MAN1C1: variants seen among roughly 807,000 people sequenced by gnomAD.
The protein encoded by MAN1C1 is mannosyl-oligosaccharide 1,2-alpha-mannosidase IC.
A neutral mutation model predicts 71.5 loss-of-function variants in MAN1C1; 49 were observed. The ratio of observed to expected loss-of-function variants is 0.69; its 90% confidence interval spans 0.54 to 0.87. The LOEUF is 0.87. MAN1C1 is among the 40% of genes least tolerant of loss of function. The probability of loss-of-function intolerance (pLI) is 0.00; values close to 1 mark genes in which losing one functional copy is unlikely to be tolerated. For synonymous variants in MAN1C1, 352 were observed against 343.7 expected (o/e 1.02, Z -0.27); for missense variants, 743 against 835.0 (o/e 0.89, Z 1.36).
chr1:25,632,114 T>C (rs987968484), intron 1 of MAN1C1, among the ~76,000 whole-genome samples: 1 of 152,196 alleles, frequency 6.6e-6, no homozygotes, highest in African/African-American at 2.4e-5. Flanking sequence ...AATTCAGCTG[T>C]GAATCCATCA....
In MAN1C1 at chr1:25,775,640, G is replaced by A. The variant is rs113861198; in HGVS notation, c.1258-2465G>A. Among the ~76,000 whole-genome samples, 1,148 of 152,310 alleles carry A rather than the reference G, an allele frequency of 7.5e-3. 19 individuals carry two copies. In the Middle Eastern group the frequency reaches 0.078, roughly 10 times the overall value. On this transcript the variant is annotated intron_variant, in intron 8 of 11. Transcript: ENST00000374332. The surrounding 1 kb of genome is among the most constrained non-coding windows in gnomAD (Gnocchi z 5.1). ...CAGGGGCCCATAGGTAATGGCAGTG[G>A]CAGTGCTGGTTTAAATTGGGGCATT...
rs2046963806 is a variant in MAN1C1, at chr1:25,735,169, G to A, written c.638-11499G>A. On this transcript the variant is annotated intron_variant, in intron 2 of 11. Transcript: ENST00000374332. This position sits in a 1 kb window ranked among gnomAD's most constrained non-coding sequence, Gnocchi z 4.6. ...GGCTCACGCCTGTTATCCCAGGCCT[G>A]TCTCGTGGGAGACCGAGACAGGTGG... 6.6e-6 allele frequency among the ~76,000 whole-genome samples: 1 copy of A among 152,248 alleles called. No individual in the cohort carries two copies. The highest frequency in any genetic ancestry group is 2.4e-5 in the African/African-American group (1 of 41,464).
chr1:25,651,114 A>G (rs2045685690), intron 1 of MAN1C1, among the ~76,000 whole-genome samples: 2 of 152,172 alleles, frequency 1.3e-5, no homozygotes, highest in Non-Finnish European at 1.5e-5. Flanking sequence ...TCACCAACTG[A>G]ACAGGTGTTC....
chr1:25,763,073 GC>G (rs1157813170), intron 6 of MAN1C1, among the ~76,000 whole-genome samples: 1 of 152,076 alleles, frequency 6.6e-6, no homozygotes, highest in African/African-American at 2.4e-5. Flanking sequence ...TTCGAGACCA[GC>G]CTGGCCAACA....
At chr1:25,676,305 G>A (rs918555364) in intron 1 of MAN1C1, among the ~76,000 whole-genome samples, 1 of 152,038 alleles carries the variant, frequency 6.6e-6, no homozygotes, top group Non-Finnish European at 1.5e-5. Flanking sequence ...AAACTGAGAG[G>A]GTTGGAGGCA....
In MAN1C1 at chr1:25,663,381, G is replaced by A. The variant is rs952798981; in HGVS notation, c.541-23059G>A. 5.3e-5 allele frequency among the ~76,000 whole-genome samples: 8 copies of A among 151,932 alleles called. No individual in the cohort carries two copies. The East Asian group carries it at 1.5e-3, about 29-fold the overall frequency. ...ACCCCCAGTGGATGCCTGAAACTTC[G>A]GATAGTACTGAACCTTATATATACT... On this transcript the variant is annotated intron_variant, in intron 1 of 11. Transcript: ENST00000374332.
In MAN1C1 at chr1:25,758,971, C is replaced by T. The variant is rs1271310715; in HGVS notation, c.1047+262C>T. ...AAGATTCTGCCGGGGAAAAGGTTCT[C>T]ACTGGTCTGCGTGAGCTCAGTGGCA... On this transcript the variant is annotated intron_variant, in intron 6 of 11. Transcript: ENST00000374332. The T allele has an allele frequency of 6.6e-6, 3 of 457,088 alleles. No individual in the cohort carries two copies. The East Asian group carries it at 1.1e-4, about 17-fold the overall frequency. 28.3% of individuals were successfully genotyped at this position (457,088 alleles called of 1,614,324 possible).
chr1:25,723,396 C>G (rs2046792294), intron 2 of MAN1C1, among the ~76,000 whole-genome samples: 2 of 152,220 alleles, frequency 1.3e-5, no homozygotes. Flanking sequence ...TGCCACCAAT[C>G]CCAGAGCCTT....
At chr1:25,701,305 C>T (rs1056487492) in intron 2 of MAN1C1, among the ~76,000 whole-genome samples, 44 of 152,176 alleles carry the variant, frequency 2.9e-4, no homozygotes, top group African/African-American at 8.9e-4. Flanking sequence ...ACTGAGAACT[C>T]GAGTTCTAGT....
chr1:25,701,664 C>T (rs1339967036), intron 2 of MAN1C1, among the ~76,000 whole-genome samples: 2 of 152,322 alleles, frequency 1.3e-5, no homozygotes, highest in Middle Eastern at 3.4e-3. Context: ...AACAGCAAAA[C>T]AGGGTCTGTG....
At chr1:25,625,357 G>A (rs759344050) in intron 1 of MAN1C1, among the ~76,000 whole-genome samples, 6 of 152,266 alleles carry the variant, frequency 3.9e-5, no homozygotes, top group Non-Finnish European at 5.9e-5. Context: ...GCAGAAAACC[G>A]TGTAGACCAC....
At chr1:25,687,814 T>C (rs1436262797) in intron 2 of MAN1C1, among the ~76,000 whole-genome samples, 7 of 152,024 alleles carry the variant, frequency 4.6e-5, no homozygotes, top group Admixed American at 4.6e-4. Context: ...AAGGAAAGTA[T>C]CAAAAAAGTG....
At chr1:25,762,948 A>C (rs1489579630) in intron 6 of MAN1C1, among the ~76,000 whole-genome samples, 3 of 152,166 alleles carry the variant, frequency 2.0e-5, no homozygotes, top group Non-Finnish European at 4.4e-5. Flanking sequence ...CAAACGAGCT[A>C]CTGTCAATTA....
At chr1:25,698,700 C>A (rs947294935) in intron 2 of MAN1C1, among the ~76,000 whole-genome samples, 1 of 152,050 alleles carries the variant, frequency 6.6e-6, no homozygotes, top group African/African-American at 2.4e-5. Context: ...GCCTGTAATC[C>A]CAGCACTTTG....
At chr1:25,676,047 G>A (rs1305975565) in intron 1 of MAN1C1, among the ~76,000 whole-genome samples, 1 of 152,150 alleles carries the variant, frequency 6.6e-6, no homozygotes, top group Non-Finnish European at 1.5e-5. Flanking sequence ...TTTCTGACGT[G>A]CCCCCTGGGT....
In MAN1C1 at chr1:25,746,675, C is replaced by T. The variant is rs2047132779; in HGVS notation, c.645C>T (p.Leu215=). 1 of 1,613,522 alleles carries T rather than the reference C, an allele frequency of 6.2e-7. No individual in the cohort carries two copies. The highest frequency in any genetic ancestry group is 8.5e-7 in the Non-Finnish European group (1 of 1,179,570). ...DGYEGNMFGG[L]SGATVIDSLD... Reference sequence around the variant, plus strand: ...AATGCTCTGTGCCTGCAGGAGGCCTCAGCGGGGCAACAGTCATTGACTCCC... The same window carrying T: ...AATGCTCTGTGCCTGCAGGAGGCCTTAGCGGGGCAACAGTCATTGACTCCC... Residue 215 remains leucine (L), a synonymous_variant, in exon 3 of 12, where the codon CTC becomes CTT. Coordinates refer to ENST00000374332, the MANE Select transcript of MAN1C1 (RefSeq NM_020379.4). The surrounding 1 kb of genome is among the most constrained non-coding windows in gnomAD (Gnocchi z 4.0).
rs1557745475 is a variant in MAN1C1, at chr1:25,643,245, A to ATTTATTT, written c.540+24908_540+24909insTTTATTT. Among the ~76,000 whole-genome samples, 213 of 121,118 alleles carry ATTTATTT rather than the reference A, an allele frequency of 1.8e-3. 1 individual carries two copies. The highest frequency in any genetic ancestry group is 8.4e-3 in the African/African-American group (203 of 24,134). 79.5% of individuals were successfully genotyped at this position (121,118 alleles called of 152,430 possible). A position where few individuals can be genotyped will look rare whatever the true frequency, so the allele number is the denominator to read the frequency against. On this transcript the variant is annotated intron_variant, in intron 1 of 11. Transcript: ENST00000374332. ...CTACCTCCCTTTTAATTAATTAATT[A>ATTTATTT]ATTAATTAATTTATTTACTTACCTT...
chr1:25,648,425 G>A (rs2045646298), intron 1 of MAN1C1, among the ~76,000 whole-genome samples: 1 of 152,170 alleles, frequency 6.6e-6, no homozygotes, highest in South Asian at 2.1e-4. Context: ...TGATGGTCTT[G>A]GGGTCATAAG....
At chr1:25,777,047 C>G (rs2047628135) in intron 8 of MAN1C1, among the ~76,000 whole-genome samples, 1 of 152,128 alleles carries the variant, frequency 6.6e-6, no homozygotes, top group Non-Finnish European at 1.5e-5. Flanking sequence ...AGAGCCATGT[C>G]CATAGAATCA....
Sources: gnomAD v4.1 joint callset for allele counts (sites outside exome capture counted in the v4.1 genomes callset) on GRCh38, gnomAD v4.1.1 for gene constraint, Gnocchi (gnomAD v3.1) non-coding constraint, MANE v1.5 for transcripts, NCBI Gene and HGNC (gene_info 2026-07-23, HGNC 2026-07-21) for gene names.